The following ITGA1 variants were observed in gnomAD, a reference collection of about 807,000 sequenced individuals.
ITGA1 encodes the protein integrin alpha-1.
A neutral mutation model predicts 145.9 loss-of-function variants in ITGA1; 85 were observed. The ratio of observed to expected loss-of-function variants is 0.58; its 90% CI spans 0.49 to 0.70. The LOEUF (loss-of-function observed/expected upper bound fraction) is 0.70. Ranked by LOEUF, ITGA1 falls within the 30% of genes least tolerant of loss-of-function variation. ITGA1 has a pLI of 0.00. For synonymous variants in ITGA1, 520 were observed against 495.3 expected (o/e 1.05, Z -0.66); for missense variants, 1,351 against 1,418.7 (o/e 0.95, Z 0.77).
intron 21 of ITGA1, among the ~76,000 whole-genome samples, chr5:52,930,413 C>G (rs902952360): frequency 1.3e-5 from 2 of 151,810 alleles, no homozygotes; most frequent in African/African-American, 4.8e-5. Context: ...CTATTATGCA[C>G]AAGATATTGA....
chr5:52,923,364 C>A (rs1750757426), intron 18 of ITGA1, among the ~76,000 whole-genome samples: 1 of 151,970 alleles, frequency 6.6e-6, no homozygotes, highest in Non-Finnish European at 1.5e-5. Flanking sequence ...GCAAAGGGTC[C>A]TGAAGCTCCC....
At chr5:52,836,412 T>C (rs565809371) in intron 1 of ITGA1, among the ~76,000 whole-genome samples, 1 of 152,334 alleles carries the variant, frequency 6.6e-6, no homozygotes, top group Non-Finnish European at 1.5e-5. Flanking sequence ...GGCCAGTACA[T>C]TTGTGTAAGC....
intron 11 of ITGA1, among the ~76,000 whole-genome samples, chr5:52,898,751 T>C (rs2111831368): frequency 6.6e-6 from 1 of 152,304 alleles, no homozygotes; most frequent in Non-Finnish European, 1.5e-5. Flanking sequence ...TCCTATATCC[T>C]GAAAACCAAA....
intron 6 of ITGA1, among the ~76,000 whole-genome samples, chr5:52,869,636 T>C (rs1306449047): frequency 1.3e-5 from 2 of 152,174 alleles, no homozygotes; most frequent in African/African-American, 4.8e-5. Flanking sequence ...GCCAGCCCAG[T>C]GGTTTACTGT....
chr5:52,806,261 A>G (rs1339603836), intron 1 of ITGA1, among the ~76,000 whole-genome samples: 1 of 151,488 alleles, frequency 6.6e-6, no homozygotes, highest in African/African-American at 2.4e-5. Context: ...AGGATCTAGG[A>G]TGCAATTATA....
At chr5:52,835,301 T>C (rs1749146009) in intron 1 of ITGA1, among the ~76,000 whole-genome samples, 1 of 152,190 alleles carries the variant, frequency 6.6e-6, no homozygotes, top group Non-Finnish European at 1.5e-5. Context: ...AACAGGAGAC[T>C]AGTACATGTA....
intron 1 of ITGA1, among the ~76,000 whole-genome samples, chr5:52,817,381 C>A (rs1446119393): frequency 1.3e-5 from 2 of 152,186 alleles, no homozygotes; most frequent in Non-Finnish European, 2.9e-5. Context: ...ATTATGAAAT[C>A]TTTCTGTAAG....
chr5:52,830,856 G>A (rs1410821041), intron 1 of ITGA1, among the ~76,000 whole-genome samples: 1 of 152,100 alleles, frequency 6.6e-6, no homozygotes, highest in Non-Finnish European at 1.5e-5. Flanking sequence ...CCTCAGCTCT[G>A]CCCTCCTAAT....
chr5:52,830,999 A>G (rs1014193642), intron 1 of ITGA1, among the ~76,000 whole-genome samples: 1 of 152,180 alleles, frequency 6.6e-6, no homozygotes, highest in Non-Finnish European at 1.5e-5. Context: ...TGAGTCCTGC[A>G]TCATGTTTTC....
chr5:52,904,852 C>CAAAAAAAA (rs563244322), intron 11 of ITGA1: 1 of 95,790 alleles, frequency 1.0e-5, no homozygotes, highest in Admixed American at 1.2e-4. Flanking sequence ...GACTCCATCT[C>CAAAAAAAA]AAAAAAAAAA....
rs117834432 is a variant in ITGA1, at chr5:52,790,585, G to A, written c.61+2171G>A. 1.3e-3 allele frequency among the ~76,000 whole-genome samples: 204 copies of A among 152,216 alleles called. No individual in the cohort carries two copies. The East Asian group carries it at 0.02, about 15-fold the overall frequency. On this transcript the variant is annotated intron_variant, in intron 1 of 28. Coordinates refer to ENST00000282588, the MANE Select transcript of ITGA1 (RefSeq NM_181501.2). ...GTGGCCCCTTTCTCCATCTTCAACC[G>A]AGCAGGGTAGAATCTTCAGATCTTC... is the stretch of plus-strand genomic sequence containing the variant.
At chr5:52,950,689 G>A (rs1245013455) in intron 28 of ITGA1, among the ~76,000 whole-genome samples, 3 of 152,172 alleles carry the variant, frequency 2.0e-5, no homozygotes. Context: ...ATGTTAATTG[G>A]TTGGGTGGAG....
chr5:52,853,410 T>C (rs1350644163), intron 2 of ITGA1, among the ~76,000 whole-genome samples: 2 of 152,196 alleles, frequency 1.3e-5, no homozygotes, highest in African/African-American at 4.8e-5. Flanking sequence ...ACATGGATTT[T>C]GTTATTTAAT....
Position 52,881,944 on chromosome 5 carries a change from G to T in ITGA1, c.696G>T (p.Glu232Asp), listed in dbSNP as rs750676302. Reference protein sequence around the residue: ...FNLNKYSSTEEVLVAAKKIVQ... With the variant: ...FNLNKYSSTEDVLVAAKKIVQ... ...TCAATAAGTATTCTTCCACCGAAGAGGTACTTGTTGCAGCAAAGAAAATAG... is the reference window on the plus strand; with the variant it reads ...TCAATAAGTATTCTTCCACCGAAGATGTACTTGTTGCAGCAAAGAAAATAG... Residue 232 changes from glutamate to aspartate, a missense_variant, in exon 7 of 29, where the codon GAG (glutamate) becomes GAT (aspartate). Coordinates refer to ENST00000282588, the MANE Select transcript of ITGA1 (RefSeq NM_181501.2). 1.2e-6 allele frequency: 2 copies of T among 1,613,782 alleles called. No individual in the cohort carries two copies. The highest frequency in any genetic ancestry group is 1.7e-6 in the Non-Finnish European group (2 of 1,179,794).
intron 14 of ITGA1, among the ~76,000 whole-genome samples, chr5:52,910,882 A>G (rs1292387109): frequency 1.5e-5 from 2 of 137,688 alleles, no homozygotes; most frequent in Non-Finnish European, 3.0e-5. Flanking sequence ...TATATATGGT[A>G]TGTATACTAT....
At chr5:52,819,261 C>A (rs1046361773) in intron 1 of ITGA1, among the ~76,000 whole-genome samples, 9 of 152,180 alleles carry the variant, frequency 5.9e-5, no homozygotes, top group Non-Finnish European at 1.3e-4. Context: ...ACAGTCCCAC[C>A]AACAGTGTAA....
chr5:52,875,898 C>CT (rs1255779680), intron 6 of ITGA1, among the ~76,000 whole-genome samples: 1 of 150,686 alleles, frequency 6.6e-6, no homozygotes, highest in Non-Finnish European at 1.5e-5. Context: ...TTTTTTTTTC[C>CT]TTTTTCCTCT....
chr5:52,912,166 G>GTATA (rs1561246935), intron 14 of ITGA1, among the ~76,000 whole-genome samples: 29 of 135,282 alleles, frequency 2.1e-4, no homozygotes, highest in Middle Eastern at 0.011. Flanking sequence ...TATATATAGC[G>GTATA]TATCTAGTAT....
chr5:52,946,699 T>C (rs1751140194), intron 27 of ITGA1, among the ~76,000 whole-genome samples: 1 of 152,126 alleles, frequency 6.6e-6, no homozygotes, highest in Non-Finnish European at 1.5e-5. Flanking sequence ...CTGAGAGAGC[T>C]TGAGTAGCTG....
Sources: gnomAD v4.1 joint callset for allele counts (sites outside exome capture counted in the v4.1 genomes callset) on GRCh38, gnomAD v4.1.1 for gene constraint, MANE v1.5 for transcripts, NCBI Gene and HGNC (gene_info 2026-07-23, HGNC 2026-07-21) for gene names.